INTS4: variants seen among roughly 807,000 people sequenced by gnomAD.
INTS4 encodes MSTP093.
Under a neutral mutation model 119.5 loss-of-function variants are expected in INTS4, and 70 were observed. The ratio of observed to expected loss-of-function variants is 0.59; its 90% CI spans 0.48 to 0.71. INTS4 has a LOEUF of 0.71. INTS4 is among the 30% of genes least tolerant of loss of function. The pLI, the probability that INTS4 is intolerant of heterozygous loss-of-function variation, is 0.00. For synonymous variants in INTS4, 316 were observed against 419.6 expected, an observed-to-expected ratio of 0.75 and a Z score of 3.02; for missense variants, 867 against 1,173.2, an observed-to-expected ratio of 0.74 and a Z score of 3.81.
downstream of INTS4, among the ~76,000 whole-genome samples, chr11:77,877,866 T>G (rs1436097753): frequency 6.6e-6 from 1 of 152,098 alleles, no homozygotes; most frequent in Admixed American, 6.6e-5. Flanking sequence ...ATTATAGGCA[T>G]GAGCCACAGC....
intron 22 of INTS4, among the ~76,000 whole-genome samples, chr11:77,882,887 A>G (rs1279898143): frequency 1.3e-5 from 2 of 152,140 alleles, no homozygotes; most frequent in Non-Finnish European, 2.9e-5. Context: ...CTTGGCCAAC[A>G]TGACGAAACC....
In INTS4 at chr11:77,959,009, C is replaced by T. The variant is rs538367386; in HGVS notation, c.709-175G>A. ...TGAATCTTGACCTCTGTCAGCTGCTCTGGCTGTATTCTGACTATGCACCCT... is the reference window on the plus strand; with the variant it reads ...TGAATCTTGACCTCTGTCAGCTGCTTTGGCTGTATTCTGACTATGCACCCT... On this transcript the variant is annotated intron_variant, in intron 6 of 22. Transcript: ENST00000534064. Among the ~76,000 whole-genome samples the T allele has an allele frequency of 5.1e-4, 78 of 152,324 alleles. 1 individual carries two copies. In the Middle Eastern group the frequency reaches 0.017, roughly 33 times the overall value.
intron 8 of INTS4, among the ~76,000 whole-genome samples, chr11:77,951,488 C>T (rs969002951): frequency 6.6e-5 from 10 of 152,180 alleles, no homozygotes; most frequent in South Asian, 2.1e-4. Context: ...GGATCCCTTC[C>T]TTACACCTTA....
At chr11:77,941,458 C>CTTTTTTTTTTTTTTTTTT (rs35544689) in intron 8 of INTS4, among the ~76,000 whole-genome samples, 1 of 138,456 alleles carries the variant, frequency 7.2e-6, no homozygotes. Flanking sequence ...ACCTACTGTG[C>CTTTTTTTTTTTTTTTTTT]TTTTTTTTTT....
intron 7 of INTS4, among the ~76,000 whole-genome samples, chr11:77,956,700 C>A (rs1184115226): frequency 7.2e-6 from 1 of 139,814 alleles, no homozygotes. Context: ...GAGCGAGACT[C>A]CATCTCAAAA....
chr11:77,886,755 G>A (rs980239062), intron 21 of INTS4, among the ~76,000 whole-genome samples: 2 of 146,756 alleles, frequency 1.4e-5, no homozygotes, highest in South Asian at 2.2e-4. Flanking sequence ...GGCGCCCGGC[G>A]AGGGGGCGGG....
intron 15 of INTS4, among the ~76,000 whole-genome samples, chr11:77,915,455 A>T (rs1371127475): frequency 1.3e-5 from 2 of 152,134 alleles, no homozygotes; most frequent in African/African-American, 4.8e-5. Flanking sequence ...CACGCTGGAC[A>T]CATGCTGCAC....
At chr11:77,928,048 CT>C (rs1953551815) in intron 11 of INTS4, among the ~76,000 whole-genome samples, 1 of 152,162 alleles carries the variant, frequency 6.6e-6, no homozygotes, top group Non-Finnish European at 1.5e-5. Context: ...CCTACTCCTC[CT>C]TCAAGTGTCC....
At chr11:77,888,434 T>C (rs1378907524) in intron 21 of INTS4, among the ~76,000 whole-genome samples, 2 of 152,192 alleles carry the variant, frequency 1.3e-5, no homozygotes, top group Non-Finnish European at 2.9e-5. Flanking sequence ...CAAGATGGAT[T>C]AAAGACTTAC....
At chr11:77,910,519 C>T (rs1387057769) in intron 15 of INTS4, among the ~76,000 whole-genome samples, 2 of 151,392 alleles carry the variant, frequency 1.3e-5, no homozygotes, top group African/African-American at 4.9e-5. Flanking sequence ...GTGCAGCACA[C>T]CAACATGGCA....
At chr11:77,926,524 T>C (rs60143695) in intron 11 of INTS4, among the ~76,000 whole-genome samples, 19,981 of 151,152 alleles carry the variant, frequency 0.13, 1,517 homozygotes, top group East Asian at 0.26. Context: ...AAATGAAGAG[T>C]CAGCCGGGCA....
intron 2 of INTS4, among the ~76,000 whole-genome samples, chr11:77,989,758 G>C (rs1252866268): frequency 1.3e-5 from 2 of 151,766 alleles, no homozygotes; most frequent in African/African-American, 4.8e-5. Flanking sequence ...AAATTAGCCA[G>C]GCATGCTGCA....
chr11:77,981,149 C>T (rs1367898388), intron 3 of INTS4, among the ~76,000 whole-genome samples: 2 of 119,514 alleles, frequency 1.7e-5, no homozygotes, highest in African/African-American at 3.2e-5. Flanking sequence ...TCAGGCTGCT[C>T]AATATATCAA....
chr11:77,951,988 G>T (rs1954207979), intron 8 of INTS4, among the ~76,000 whole-genome samples: 1 of 152,138 alleles, frequency 6.6e-6, no homozygotes, highest in Non-Finnish European at 1.5e-5. Flanking sequence ...CAGTTAGAAT[G>T]GCAATCATTA....
At chr11:77,912,065 T>C (rs1460144646) in intron 15 of INTS4, among the ~76,000 whole-genome samples, 3 of 152,064 alleles carry the variant, frequency 2.0e-5, no homozygotes, top group Non-Finnish European at 4.4e-5. Context: ...CCAAAACTAA[T>C]TTAAAACTAG....
intron 8 of INTS4, among the ~76,000 whole-genome samples, chr11:77,953,875 CACCTCTGCCTCCCGGGTA>C (rs942924267): frequency 2.0e-5 from 3 of 151,036 alleles, no homozygotes; most frequent in East Asian, 2.0e-4. Flanking sequence ...TGAGCCACTG[CACCTCTGCCTCCCGGGTA>C]ACCTCTGCCT....
At chr11:77,886,166 T>C (rs889966470) in intron 21 of INTS4, among the ~76,000 whole-genome samples, 1 of 151,932 alleles carries the variant, frequency 6.6e-6, no homozygotes, top group African/African-American at 2.4e-5. Flanking sequence ...ACCATGCCAC[T>C]GCACTCCAGC....
chr11:77,953,441 A>T (rs888115210), intron 8 of INTS4, among the ~76,000 whole-genome samples: 9 of 152,214 alleles, frequency 5.9e-5, no homozygotes, highest in Non-Finnish European at 5.9e-5. Flanking sequence ...CTGTCAGGTA[A>T]ATATGAGAGA....
rs34894419 is a variant in INTS4 at position 77,962,852 on chromosome 11, T to TA, written c.472-1715dup. ...ACAACACAGCGAGGCCCCATTTCTT[T>TA]AAAAAAAAAATTTATAGCCAGGTGT... is the stretch of plus-strand genomic sequence containing the variant. On this transcript the variant is annotated intron_variant, in intron 4 of 22. Coordinates refer to ENST00000534064, the MANE Select transcript of INTS4 (RefSeq NM_033547.4). 2.3e-4 allele frequency among the ~76,000 whole-genome samples: 35 copies of TA among 150,174 alleles called. 1 individual carries two copies. In the South Asian group the frequency reaches 2.8e-3, roughly 12 times the overall value.
Sources: gnomAD v4.1 joint callset for allele counts (sites outside exome capture counted in the v4.1 genomes callset) on GRCh38, gnomAD v4.1.1 for gene constraint, MANE v1.5 for transcripts, NCBI Gene and HGNC (gene_info 2026-07-23, HGNC 2026-07-21) for gene names.